The following CTNNA2 variants were observed in gnomAD, a reference collection of about 807,000 sequenced individuals.
The protein encoded by CTNNA2 is catenin alpha-2.
In CTNNA2, 42 loss-of-function variants were observed where a neutral mutation model predicts 101.0. That is an observed-to-expected ratio of 0.42 (90% CI 0.32 to 0.54). CTNNA2 has a LOEUF of 0.54. Ranked by LOEUF, CTNNA2 falls within the 20% of genes least tolerant of loss-of-function variation. The pLI is 0.14. For synonymous variants in CTNNA2, 450 were observed against 456.4 expected, an observed-to-expected ratio of 0.99 and a Z score of 0.18; for missense variants, 871 against 1,223.1, an observed-to-expected ratio of 0.71 and a Z score of 4.29.
chr2:80,127,107 C>T (rs1702177090), intron 7 of CTNNA2, among the ~76,000 whole-genome samples: 1 of 152,182 alleles, frequency 6.6e-6, no homozygotes, highest in Non-Finnish European at 1.5e-5. Flanking sequence ...CAAGGCTGAC[C>T]TTGCAAGTTA....
intron 1 of CTNNA2, among the ~76,000 whole-genome samples, chr2:79,579,357 G>C (rs1452826571): frequency 6.6e-6 from 1 of 151,430 alleles, no homozygotes; most frequent in Non-Finnish European, 1.5e-5. Context: ...TGTGGCCCTA[G>C]AATGAGGTTC....
chr2:79,773,163 G>C (rs945822666), intron 3 of CTNNA2, among the ~76,000 whole-genome samples: 8 of 152,194 alleles, frequency 5.3e-5, no homozygotes, highest in Admixed American at 1.3e-4. Flanking sequence ...ACATAAACTG[G>C]AAGTGTGAGT....
At chr2:79,679,500 A>C (rs1187024422) in intron 2 of CTNNA2, among the ~76,000 whole-genome samples, 1 of 151,674 alleles carries the variant, frequency 6.6e-6, no homozygotes, top group Non-Finnish European at 1.5e-5. Flanking sequence ...CCTGCTCTGG[A>C]GTCTCTGCCC....
At chr2:79,618,186 G>A (rs1678760302) in intron 1 of CTNNA2, among the ~76,000 whole-genome samples, 1 of 152,268 alleles carries the variant, frequency 6.6e-6, no homozygotes, top group African/African-American at 2.4e-5. Flanking sequence ...CCTTTGGGCA[G>A]CAACCAACAA....
intron 7 of CTNNA2, among the ~76,000 whole-genome samples, chr2:80,317,817 G>C (rs1027555139): frequency 6.6e-6 from 1 of 152,156 alleles, no homozygotes; most frequent in Non-Finnish European, 1.5e-5. Context: ...GAAGTCATGG[G>C]AATAGGCAAT....
chr2:79,722,583 G>C (rs1039625400), intron 2 of CTNNA2, among the ~76,000 whole-genome samples: 1 of 152,118 alleles, frequency 6.6e-6, no homozygotes, highest in Admixed American at 6.6e-5. Flanking sequence ...GTTTAAAAGA[G>C]CCCTCCTCTC....
chr2:80,306,440 CTTTCTT>C (rs1558989953), intron 7 of CTNNA2, among the ~76,000 whole-genome samples: 96 of 139,120 alleles, frequency 6.9e-4, no homozygotes, highest in African/African-American at 2.6e-3. Context: ...TTCTTTCTTT[CTTTCTT>C]TCTTTCTCTC....
chr2:80,203,519 C>T (rs1345899512), intron 7 of CTNNA2, among the ~76,000 whole-genome samples: 2 of 152,202 alleles, frequency 1.3e-5, no homozygotes, highest in African/African-American at 4.8e-5. Flanking sequence ...CTAAAATGAT[C>T]TCTTTTGACT....
chr2:80,323,922 T>G (rs1678977471), intron 7 of CTNNA2, among the ~76,000 whole-genome samples: 1 of 152,176 alleles, frequency 6.6e-6, no homozygotes, highest in Admixed American at 6.5e-5. Context: ...CAGCTAACAT[T>G]AGTGGTATTT....
intron 9 of CTNNA2, among the ~76,000 whole-genome samples, chr2:80,530,621 C>T (rs540982202): frequency 1.3e-5 from 2 of 152,176 alleles, no homozygotes; most frequent in South Asian, 4.1e-4. Context: ...AGTATGAAGT[C>T]ATATAAAGAA....
At chr2:79,529,081 A>G (rs897402720) in intron 1 of CTNNA2, among the ~76,000 whole-genome samples, 31 of 152,180 alleles carry the variant, frequency 2.0e-4, no homozygotes, top group African/African-American at 7.5e-4. Flanking sequence ...AAACTTTCCT[A>G]TAAAGATAAA....
At chr2:80,488,312 T>A (rs1457747035) in intron 9 of CTNNA2, among the ~76,000 whole-genome samples, 1 of 152,150 alleles carries the variant, frequency 6.6e-6, no homozygotes, top group Non-Finnish European at 1.5e-5. Flanking sequence ...GTTATATTTA[T>A]TTTTGTTTTT....
rs1447499264 is a variant in CTNNA2 at position 79,254,462 on chromosome 2, A to G, written c.-406+56386A>G. On this transcript the variant is annotated intron_variant, in intron 2 of 21. Transcript: ENST00000466387. ...AAAAGTGTGTAGCACCTCCCTCTAC[A>G]CTCTCTTTCTTCCACCTGTTCCAGC... Among the ~76,000 whole-genome samples, 4 of 151,508 alleles carry G rather than the reference A, an allele frequency of 2.6e-5. No homozygotes were observed. The East Asian group carries it at 7.8e-4, about 29-fold the overall frequency.
At chr2:80,207,306 T>C (rs1573390446) in intron 7 of CTNNA2, among the ~76,000 whole-genome samples, 1 of 152,292 alleles carries the variant, frequency 6.6e-6, no homozygotes, top group Admixed American at 6.5e-5. Flanking sequence ...GAAATGGAGA[T>C]GATGATAGCT....
intron 8 of CTNNA2, among the ~76,000 whole-genome samples, chr2:80,412,485 G>T (rs1033087391): frequency 2.6e-5 from 4 of 152,196 alleles, no homozygotes; most frequent in Non-Finnish European, 5.9e-5. Context: ...TTTGGCCAAA[G>T]AAATGAATTG....
At chr2:79,590,707 G>T (rs1165255908) in intron 1 of CTNNA2, among the ~76,000 whole-genome samples, 2 of 151,638 alleles carry the variant, frequency 1.3e-5, no homozygotes, top group Non-Finnish European at 2.9e-5. Flanking sequence ...GCCCTTTTAC[G>T]TTTTTTTCAT....
chr2:80,612,592 T>C (rs1698553079), intron 17 of CTNNA2, among the ~76,000 whole-genome samples: 1 of 151,532 alleles, frequency 6.6e-6, no homozygotes, highest in African/African-American at 2.4e-5. Context: ...ATAATATATA[T>C]ATGGTTTGTT....
At chr2:80,644,761 ACTTTAC>A (rs963464291) in intron 18 of CTNNA2, among the ~76,000 whole-genome samples, 3 of 151,994 alleles carry the variant, frequency 2.0e-5, no homozygotes, top group African/African-American at 7.2e-5. Flanking sequence ...TCACCTCCTC[ACTTTAC>A]CTTGCTGCAA....
chr2:80,337,134 T>C (rs1379139382), intron 7 of CTNNA2, among the ~76,000 whole-genome samples: 1 of 152,068 alleles, frequency 6.6e-6, no homozygotes, highest in Non-Finnish European at 1.5e-5. Flanking sequence ...GGTGGGCAGA[T>C]CACGAGGTCA....
Sources: gnomAD v4.1 joint callset for allele counts (sites outside exome capture counted in the v4.1 genomes callset) on GRCh38, gnomAD v4.1.1 for gene constraint, MANE v1.5 for transcripts, NCBI Gene and HGNC (gene_info 2026-07-23, HGNC 2026-07-21) for gene names.